The following CTNNA3 variants were observed in gnomAD, a reference collection of about 807,000 sequenced individuals.
CTNNA3 encodes the protein catenin alpha-3.
In CTNNA3, 76 loss-of-function variants were observed where a neutral mutation model predicts 95.7. The observed-to-expected ratio is 0.79, with a 90% CI of 0.66 to 0.96. CTNNA3 has a LOEUF of 0.96. Ranked by LOEUF, CTNNA3 falls within the 40% of genes least tolerant of loss-of-function variation. The probability of loss-of-function intolerance (pLI) is 0.00; values close to 1 mark genes in which losing one functional copy is unlikely to be tolerated. For synonymous variants in CTNNA3, 431 were observed against 374.4 expected (o/e 1.15, Z -1.74); for missense variants, 1,191 against 1,089.8 (o/e 1.09, Z -1.31).
chr10:67,720,942 A>G (rs1841176511), intron 1 of CTNNA3, among the ~76,000 whole-genome samples: 1 of 152,070 alleles, frequency 6.6e-6, no homozygotes, highest in Non-Finnish European at 1.5e-5. Flanking sequence ...TCACAGAGTG[A>G]GACTCCGTCT....
chr10:66,834,896 C>T (rs1355940518), intron 7 of CTNNA3, among the ~76,000 whole-genome samples: 1 of 152,106 alleles, frequency 6.6e-6, no homozygotes, highest in Admixed American at 6.5e-5. Flanking sequence ...ATTAAGTTAT[C>T]CTATTCAAAG....
chr10:67,305,923 A>G (rs1039847995), intron 5 of CTNNA3, among the ~76,000 whole-genome samples: 2 of 152,182 alleles, frequency 1.3e-5, no homozygotes, highest in South Asian at 2.1e-4. Context: ...ACCCAAAACA[A>G]GCGTTTGAGG....
At chr10:66,573,512 C>A (rs1208553331) in intron 10 of CTNNA3, among the ~76,000 whole-genome samples, 1 of 152,138 alleles carries the variant, frequency 6.6e-6, no homozygotes, top group Non-Finnish European at 1.5e-5. Flanking sequence ...AAGTGCTTCA[C>A]AAAATTTTAC....
chr10:66,640,587 A>T (rs1307106637), intron 9 of CTNNA3, among the ~76,000 whole-genome samples: 1 of 152,168 alleles, frequency 6.6e-6, no homozygotes, highest in African/African-American at 2.4e-5. Flanking sequence ...TCTTCAGGAT[A>T]GAACTATCCG....
At chr10:66,823,740 T>G (rs1295442272) in intron 7 of CTNNA3, among the ~76,000 whole-genome samples, 1 of 152,232 alleles carries the variant, frequency 6.6e-6, no homozygotes, top group African/African-American at 2.4e-5. Context: ...TCCCAATTGA[T>G]TCTCAAATTG....
intron 7 of CTNNA3, among the ~76,000 whole-genome samples, chr10:66,777,978 A>G (rs1840381030): frequency 6.6e-6 from 1 of 152,236 alleles, no homozygotes; most frequent in Admixed American, 6.5e-5. Flanking sequence ...AGGAGGTGAC[A>G]GCACAAAGAG....
At chr10:66,533,428 T>C (rs1472008487) in intron 10 of CTNNA3, among the ~76,000 whole-genome samples, 1 of 152,144 alleles carries the variant, frequency 6.6e-6, no homozygotes, top group African/African-American at 2.4e-5. Flanking sequence ...TTGTCGTGGG[T>C]ATTTATCTCA....
At chr10:67,537,170 C>T (rs998026716) in intron 4 of CTNNA3, among the ~76,000 whole-genome samples, 2 of 152,096 alleles carry the variant, frequency 1.3e-5, no homozygotes, top group Admixed American at 6.5e-5. Context: ...TTTAAAACAC[C>T]TTCTGGTGTA....
At chr10:65,992,504 T>A (rs1389558036) in intron 15 of CTNNA3, among the ~76,000 whole-genome samples, 1 of 39,884 alleles carries the variant, frequency 2.5e-5, no homozygotes, top group Non-Finnish European at 5.8e-5. Flanking sequence ...TTTATTCATT[T>A]CCCCTATGTC....
intron 2 of CTNNA3, among the ~76,000 whole-genome samples, chr10:67,647,141 G>T: frequency 1.2e-5 from 1 of 82,710 alleles, no homozygotes. Flanking sequence ...AAGGTACTCT[G>T]AAAATTATAT....
intron 1 of CTNNA3, among the ~76,000 whole-genome samples, chr10:67,726,509 A>T (rs1589582217): frequency 1.3e-5 from 1 of 74,572 alleles, no homozygotes; most frequent in Non-Finnish European, 2.2e-5. Context: ...ATAATATATT[A>T]TATATTATAT....
At chr10:66,604,378 G>A (rs945467247) in intron 10 of CTNNA3, among the ~76,000 whole-genome samples, 2 of 152,102 alleles carry the variant, frequency 1.3e-5, no homozygotes, top group African/African-American at 4.8e-5. Flanking sequence ...TGCCTCCACC[G>A]CTGTGGTGAA....
chr10:67,440,023 A>G lies in CTNNA3; in HGVS notation c.579+81819T>C, dbSNP rs536654413. ...TCAGCCACAGTGAGGTAGAGTATCA[A>G]GCTGACTCTTGGGGTCCTTGAGTCC... On this transcript the variant is annotated intron_variant, in intron 5 of 17. Coordinates refer to ENST00000433211, the MANE Select transcript of CTNNA3 (RefSeq NM_013266.4). Among the ~76,000 whole-genome samples the G allele has an allele frequency of 9.4e-4, 143 of 152,278 alleles. 1 individual carries two copies. The highest frequency in any genetic ancestry group is 4.9e-4 in the Non-Finnish European group (33 of 68,020).
intron 13 of CTNNA3, among the ~76,000 whole-genome samples, chr10:66,184,065 T>C (rs2086193627): frequency 6.6e-6 from 1 of 152,040 alleles, no homozygotes; most frequent in Admixed American, 6.6e-5. Context: ...CAACACTTTG[T>C]GTTGGGCAGA....
chr10:66,384,557 C>A (rs925549037), intron 11 of CTNNA3, among the ~76,000 whole-genome samples: 3 of 152,108 alleles, frequency 2.0e-5, no homozygotes, highest in Non-Finnish European at 4.4e-5. Flanking sequence ...ACAAGGATAT[C>A]CAGGACCTGA....
intron 1 of CTNNA3, among the ~76,000 whole-genome samples, chr10:67,682,107 G>A (rs373757718): frequency 1.3e-5 from 2 of 148,980 alleles, no homozygotes; most frequent in South Asian, 2.1e-4. Context: ...GCAGTGAGCC[G>A]AGATTGCGCC....
rs61453326 is a variant in CTNNA3, at chr10:66,211,983, G to GTTTTT, written c.1884+68482_1884+68486dup. Among the ~76,000 whole-genome samples, 70 of 95,020 alleles carry GTTTTT rather than the reference G, an allele frequency of 7.4e-4. 2 individuals are homozygous for GTTTTT. The highest frequency in any genetic ancestry group is 9.0e-4 in the Non-Finnish European group (46 of 50,858). The allele number at this position is 95,020 out of a possible 152,430, so 62.3% of individuals were successfully genotyped here. On this transcript the variant is annotated intron_variant, in intron 13 of 17. Coordinates refer to ENST00000433211, the MANE Select transcript of CTNNA3 (RefSeq NM_013266.4). The stretch of plus-strand genomic sequence containing the variant: ...CAGTCATAGCAACTATTGTTTTTGG[G>GTTTTT]TTTTTTTTTTTTTTTTTTTTTTTTG...
At chr10:66,813,475 C>T (rs1841961970) in intron 7 of CTNNA3, among the ~76,000 whole-genome samples, 1 of 152,270 alleles carries the variant, frequency 6.6e-6, no homozygotes, top group African/African-American at 2.4e-5. Context: ...ACTCACAATG[C>T]TGCTTTAATA....
In CTNNA3 at chr10:67,002,731, A is replaced by AT. The variant is rs544059987; in HGVS notation, c.1047+177585dup. Among the ~76,000 whole-genome samples, 763 of 150,330 alleles carry AT rather than the reference A, an allele frequency of 5.1e-3. 12 individuals are homozygous for AT. The highest frequency in any genetic ancestry group is 0.017 in the African/African-American group (708 of 41,046). On this transcript the variant is annotated intron_variant, in intron 7 of 17. Coordinates refer to ENST00000433211, the MANE Select transcript of CTNNA3 (RefSeq NM_013266.4). ...ATATAGTACTAAGTTACCAAGCAGAATTTTTTTTTTAATTCCAGAGTCACT... is the reference window on the plus strand; with the variant it reads ...ATATAGTACTAAGTTACCAAGCAGAATTTTTTTTTTTAATTCCAGAGTCACT...
Sources: gnomAD v4.1 joint callset for allele counts (sites outside exome capture counted in the v4.1 genomes callset) on GRCh38, gnomAD v4.1.1 for gene constraint, MANE v1.5 for transcripts, NCBI Gene and HGNC (gene_info 2026-07-23, HGNC 2026-07-21) for gene names.